IGF2R: variants seen among roughly 807,000 people sequenced by gnomAD.
The protein encoded by IGF2R is cation-independent mannose-6-phosphate receptor.
IGF2R carries 91 observed loss-of-function variants against 270.6 expected under a neutral mutation model. That is an observed-to-expected ratio of 0.34 (90% CI 0.28 to 0.40). The LOEUF (loss-of-function observed/expected upper bound fraction) is 0.40, where lower values mean the gene tolerates loss of function less well. IGF2R is among the 10% of genes least tolerant of loss of function. The pLI is 1.00. For synonymous variants in IGF2R, 1,316 were observed against 1,258.9 expected (o/e 1.05, Z -0.96); for missense variants, 2,805 against 3,188.3 (o/e 0.88, Z 2.90).
chr6:159,980,600 A>G (rs1015555761), intron 1 of IGF2R, among the ~76,000 whole-genome samples: 1 of 152,170 alleles, frequency 6.6e-6, no homozygotes, highest in African/African-American at 2.4e-5. Context: ...TGTCCACCTG[A>G]TTGGCCTTTG....
chr6:160,100,147 A>G (rs1034882021), intron 45 of IGF2R, among the ~76,000 whole-genome samples: 3 of 152,226 alleles, frequency 2.0e-5, no homozygotes, highest in African/African-American at 7.2e-5. Context: ...GTAGAAATAA[A>G]TCTAAATATA....
At position 159,998,519 on chromosome 6, in the gene IGF2R, C is replaced by G. The variant is rs144103208; in HGVS notation, c.289+7196C>G. Reference sequence around the variant, plus strand: ...GAAGGTGTTTTTAGGAAGCTGGCCCCGTGGAATAGGAAACGATGCCTACAG... The same window carrying G: ...GAAGGTGTTTTTAGGAAGCTGGCCCGGTGGAATAGGAAACGATGCCTACAG... On this transcript the variant is annotated intron_variant, in intron 2 of 47. Coordinates refer to ENST00000356956, the MANE Select transcript of IGF2R (RefSeq NM_000876.4). The surrounding 1 kb of genome is among the most constrained non-coding windows in gnomAD (Gnocchi z 4.1). Among the ~76,000 whole-genome samples, 1 of 152,176 alleles carries G rather than the reference C, an allele frequency of 6.6e-6. No homozygotes were observed. Among genetic ancestry groups the G allele is most frequent in the South Asian group, 2.1e-4 (1 of 4,826 alleles).
intron 45 of IGF2R, among the ~76,000 whole-genome samples, chr6:160,097,019 T>C (rs1779376680): frequency 6.6e-6 from 1 of 152,236 alleles, no homozygotes; most frequent in African/African-American, 2.4e-5. Context: ...TGGAACATCT[T>C]TTGTGTCGTA....
At chr6:160,069,658 C>T (rs993743677) in intron 30 of IGF2R, among the ~76,000 whole-genome samples, 8 of 152,246 alleles carry the variant, frequency 5.3e-5, no homozygotes, top group Admixed American at 2.0e-4. Context: ...CTGCCCCAGT[C>T]CATCTGTGAC....
rs959516424 is a variant in IGF2R at position 160,050,095 on chromosome 6, C to T, written c.2515-378C>T. On this transcript the variant is annotated intron_variant, in intron 18 of 47. Coordinates refer to ENST00000356956, the MANE Select transcript of IGF2R (RefSeq NM_000876.4). The surrounding 1 kb of genome is among the most constrained non-coding windows in gnomAD (Gnocchi z 4.0). ...GGTCTTCATAGTGGTTAGTGTCAGC[C>T]GTTCCACCGGAATTCAGGATCTGAA... 2.0e-5 allele frequency among the ~76,000 whole-genome samples: 3 copies of T among 152,156 alleles called. No individual in the cohort carries two copies. Among genetic ancestry groups the T allele is most frequent in the East Asian group, 3.9e-4 (2 of 5,190 alleles).
chr6:159,984,468 A>G (rs1783851017), intron 1 of IGF2R, among the ~76,000 whole-genome samples: 1 of 152,194 alleles, frequency 6.6e-6, no homozygotes, highest in African/African-American at 2.4e-5. Context: ...TGCAGGCTCC[A>G]TTCATTATAA....
In IGF2R at chr6:160,077,245, C is replaced by T. The variant is rs144913451; in HGVS notation, c.5317-956C>T. ...TCCACCCATTGCATCTGTTTATAAG[C>T]GTATTGGCATATTTTTATAGGGGTG... On this transcript the variant is annotated intron_variant, in intron 36 of 47. Transcript: ENST00000356956. 6.2e-4 allele frequency among the ~76,000 whole-genome samples: 94 copies of T among 152,278 alleles called. 2 individuals are homozygous for T. The Middle Eastern group carries it at 0.014, about 22-fold the overall frequency.
intron 2 of IGF2R, chr6:160,003,945 T>G (rs528384930): frequency 6.6e-6 from 1 of 152,104 alleles, no homozygotes; most frequent in Non-Finnish European, 1.5e-5. Flanking sequence ...GAGTGAGCTG[T>G]GTGTCTCTCT....
chr6:160,091,112 A>T (rs1462972296), intron 44 of IGF2R, among the ~76,000 whole-genome samples: 1 of 75,840 alleles, frequency 1.3e-5, no homozygotes. Context: ...GGTGCTGAGC[A>T]CATCGCCGAG....
chr6:159,975,132 C>G (rs1406635977), intron 1 of IGF2R, among the ~76,000 whole-genome samples: 1 of 152,162 alleles, frequency 6.6e-6, no homozygotes, highest in African/African-American at 2.4e-5. Context: ...CCGCTCCCCA[C>G]CCCACACCAG....
chr6:160,106,825 CAATG>C lies in IGF2R; in HGVS notation c.*1744_*1747del, dbSNP rs1247261575. On this transcript the variant is annotated 3_prime_UTR_variant, in exon 48 of 48. Transcript: ENST00000356956. ...CGGGGTGTGGTCCTGTTCATCAAAA[CAATG>C]AACATGGAGTTTAGAGTCCAGTGAG... 4 of 152,200 alleles carry C rather than the reference CAATG, an allele frequency of 2.6e-5. No homozygotes were observed. The highest frequency in any genetic ancestry group is 9.6e-5 in the African/African-American group (4 of 41,466). 9.4% of individuals were successfully genotyped at this position (152,200 alleles called of 1,614,324 possible). A position where few individuals can be genotyped will look rare whatever the true frequency, so the allele number is the denominator to read the frequency against.
At chr6:160,097,231 G>A (rs1029433338) in intron 45 of IGF2R, among the ~76,000 whole-genome samples, 10 of 152,200 alleles carry the variant, frequency 6.6e-5, no homozygotes, top group Non-Finnish European at 1.0e-4. Context: ...TCCCACAGCC[G>A]TTTTATACTT....
rs773991755 is a variant in IGF2R at position 160,085,103 on chromosome 6, C to T, written c.6177C>T (p.Leu2059=). 87 of 1,613,616 alleles carry T rather than the reference C, an allele frequency of 5.4e-5. No homozygotes were observed. In the South Asian group the frequency reaches 6.5e-4, roughly 12 times the overall value. The change falls in exon 41 of 48, where the codon CTC becomes CTT. Residue 2059 remains leucine (L), a synonymous_variant. Coordinates refer to ENST00000356956, the MANE Select transcript of IGF2R (RefSeq NM_000876.4). ...TTTGDVQVLG[L]VHTQKLGVIG... ...CTGGTGACGTCCAGGTCCTGGGACT[C>T]GTTCACACGCAGAAGCTGGGTGTCA...
chr6:160,092,903 T>C (rs1779260299), intron 44 of IGF2R, among the ~76,000 whole-genome samples: 1 of 152,208 alleles, frequency 6.6e-6, no homozygotes, highest in African/African-American at 2.4e-5. Context: ...GCAGAGTTCA[T>C]GCAAGGAGTC....
intron 1 of IGF2R, among the ~76,000 whole-genome samples, chr6:159,973,750 T>C (rs1384458741): frequency 1.3e-5 from 2 of 152,216 alleles, no homozygotes; most frequent in Non-Finnish European, 2.9e-5. Flanking sequence ...AATGCCTGCG[T>C]TGGGCCTCAC....
chr6:160,032,421 T>C, intron 7 of IGF2R, 130 bp from the exon 8 acceptor site: 3 of 754,754 alleles, frequency 4.0e-6, no homozygotes, highest in Non-Finnish European at 6.4e-6. Flanking sequence ...GCAATTATGA[T>C]TCAAAAAACA....
rs189207310 is a variant in IGF2R at position 159,973,059 on chromosome 6, G to C, written c.149+3664G>C. Among the ~76,000 whole-genome samples, 659 of 152,252 alleles carry C rather than the reference G, an allele frequency of 4.3e-3. 6 individuals are homozygous for C. Among genetic ancestry groups the C allele is most frequent in the African/African-American group, 0.015 (622 of 41,542 alleles). On this transcript the variant is annotated intron_variant, in intron 1 of 47. Transcript: ENST00000356956. Reference sequence around the variant, plus strand: ...ACTTGTTTCTGAGGCTAGTGTGATAGGCTGTGGGACTGGCCTGTAGAAAAG... The same window carrying C: ...ACTTGTTTCTGAGGCTAGTGTGATACGCTGTGGGACTGGCCTGTAGAAAAG...
At chr6:160,040,097 A>G (rs1402345703) in intron 10 of IGF2R, among the ~76,000 whole-genome samples, 1 of 152,202 alleles carries the variant, frequency 6.6e-6, no homozygotes, top group Non-Finnish European at 1.5e-5. Flanking sequence ...TGAGTCCCAG[A>G]GAACTTGTCT....
At chr6:160,085,461 C>A (rs1779080438) in intron 41 of IGF2R, among the ~76,000 whole-genome samples, 1 of 152,162 alleles carries the variant, frequency 6.6e-6, no homozygotes, top group Non-Finnish European at 1.5e-5. Context: ...CCTAAATTGG[C>A]ATAAACACAC....
Sources: allele counts gnomAD v4.1 joint callset (sites outside exome capture counted in the v4.1 genomes callset), GRCh38; gene constraint gnomAD v4.1.1; non-coding constraint Gnocchi (gnomAD v3.1); transcripts MANE v1.5; gene names NCBI Gene and HGNC (gene_info 2026-07-23, HGNC 2026-07-21).